MFN2: variants seen among roughly 807,000 people sequenced by gnomAD.
MFN2 encodes the protein mitofusin-2.
MFN2 carries 43 observed loss-of-function variants against 87.5 expected under a neutral mutation model. The ratio of observed to expected loss-of-function variants is 0.49; its 90% confidence interval spans 0.38 to 0.63. The LOEUF (loss-of-function observed/expected upper bound fraction) is 0.63, where lower values mean the gene tolerates loss of function less well. Among genes scored for constraint, MFN2 ranks in the 30% least tolerant of loss-of-function variants. MFN2 has a pLI of 0.00. For missense variants in MFN2, 743 were observed against 972.8 expected, an observed-to-expected ratio of 0.76 and a Z score of 3.14; for synonymous variants, 337 against 359.9, an observed-to-expected ratio of 0.94 and a Z score of 0.72.
At position 12,007,456 on chromosome 1, in the gene MFN2, C is replaced by T. The variant is rs978839040; in HGVS notation, c.2069+207C>T. Among the ~76,000 whole-genome samples the T allele has an allele frequency of 1.4e-4, 22 of 152,192 alleles. 1 individual carries two copies. The highest frequency in any genetic ancestry group is 2.2e-4 in the African/African-American group (9 of 41,446). The stretch of plus-strand genomic sequence containing the variant: ...GGACACTTTGCGTCTTGGGCTGGGA[C>T]GGGGTAGGCCTCTGGGCCCCTTGGT... On this transcript the variant is annotated intron_variant, in intron 17 of 18. Coordinates refer to ENST00000235329, the MANE Select transcript of MFN2 (RefSeq NM_014874.4).
At chr1:12,009,526 G>GGGCTAA in intron 17 of MFN2, 66 bp from the exon 18 acceptor site, 12 of 1,609,680 alleles carry the variant, frequency 7.5e-6, no homozygotes, top group Non-Finnish European at 8.5e-6. Flanking sequence ...TACTGTGGGT[G>GGGCTAA]GGCTAAGCCA....
chr1:11,992,742 A>G (rs1378378976), intron 4 of MFN2, 52 bp downstream of exon 4: 1 of 1,613,542 alleles, frequency 6.2e-7, no homozygotes, highest in Non-Finnish European at 8.5e-7. Context: ...GGAGGGAGGG[A>G]GGCACTTTGT....
intron 17 of MFN2, among the ~76,000 whole-genome samples, chr1:12,008,893 G>T (rs1639561972): frequency 6.6e-6 from 1 of 152,222 alleles, no homozygotes; most frequent in Non-Finnish European, 1.5e-5. Context: ...CTGAGATCAT[G>T]CCACTGCCTG....
rs753682091 is a variant in MFN2 at position 11,996,142 on chromosome 1, T to C, written c.312-14T>C. 8 of 1,614,008 alleles carry C rather than the reference T, an allele frequency of 5.0e-6. No homozygotes were observed. Among genetic ancestry groups the C allele is most frequent in the Non-Finnish European group, 6.8e-6 (8 of 1,180,024 alleles). The stretch of plus-strand genomic sequence containing the variant: ...ATACTGGTGGCTTTGCTGACAGCTG[T>C]TACTTCCTTCTAGGACGAGCAATGG... On this transcript the variant is annotated splice_polypyrimidine_tract_variant and intron_variant, in intron 4 of 18. Transcript: ENST00000235329.
intron 5 of MFN2, 126 bp from the exon 6 acceptor site, chr1:11,997,171 T>C: frequency 7.0e-7 from 1 of 1,427,594 alleles, no homozygotes; most frequent in Non-Finnish European, 9.6e-7. Flanking sequence ...ACTTTTTATA[T>C]GTGGAAGAAG....
chr1:12,004,405 G>A lies in MFN2; in HGVS notation c.1288-104G>A. 1 of 1,084,882 alleles carries A rather than the reference G, an allele frequency of 9.2e-7. No individual in the cohort carries two copies. The highest frequency in any genetic ancestry group is 1.4e-6 in the Non-Finnish European group (1 of 698,942). 67.2% of individuals were successfully genotyped at this position (1,084,882 alleles called of 1,614,324 possible). ...CCATAGAGGAGCTGAGGAGGCTGCTGGTTTGAGAGGAAGGATGTGCCATCT... is the reference window on the plus strand; with the variant it reads ...CCATAGAGGAGCTGAGGAGGCTGCTAGTTTGAGAGGAAGGATGTGCCATCT... On this transcript the variant is annotated intron_variant, in intron 12 of 18. Transcript: ENST00000235329. The surrounding 1 kb of genome is among the most constrained non-coding windows in gnomAD (Gnocchi z 4.2).
In MFN2 at chr1:11,989,200, T is replaced by C. The variant is rs777625403; in HGVS notation, c.32T>C (p.Ile11Thr). 6.2e-6 allele frequency: 10 copies of C among 1,613,972 alleles called. No homozygotes were observed. Among genetic ancestry groups the C allele is most frequent in the Non-Finnish European group, 8.5e-6 (10 of 1,180,030 alleles). The change falls in exon 3 of 19, where the codon ATC (isoleucine) becomes ACC (threonine). Residue 11 changes from isoleucine (I) to threonine (T), a missense_variant. Ile to Thr is a moderately conservative substitution (Grantham distance 89). Coordinates refer to ENST00000235329, the MANE Select transcript of MFN2 (RefSeq NM_014874.4). Reference protein sequence around the residue: MSLLFSRCNSIVTVKKNKRHM... With the variant: MSLLFSRCNSTVTVKKNKRHM... ...CTGCTCTTCTCTCGATGCAACTCTA[T>C]CGTCACAGTCAAGAAAAATAAGAGA...
chr1:11,992,441 T>A (rs554411047), intron 3 of MFN2, 114 bp from the exon 4 acceptor site: 1 of 1,312,624 alleles, frequency 7.6e-7, no homozygotes, highest in Admixed American at 1.7e-5. Context: ...GGCTGCAGGG[T>A]GCCAGAGGTG....
Position 12,004,904 on chromosome 1 carries a change from A to G in MFN2, c.1472A>G (p.Gln491Arg). Residue 491 changes from glutamine to arginine, a missense_variant, in exon 14 of 19, where the codon CAG (glutamine) becomes CGG (arginine). Gln to Arg is a conservative substitution (Grantham distance 43). Around this residue, in one of 3 missense-constraint regions of MFN2, gnomAD observed 571 missense variants for 670.7 expected, o/e 0.85. Coordinates refer to ENST00000235329, the MANE Select transcript of MFN2 (RefSeq NM_014874.4). The surrounding 1 kb of genome is among the most constrained non-coding windows in gnomAD (Gnocchi z 4.2). ...RCSTAITNSL[Q>R]TMQQDMIDGL... ...TCCACGGCCATCACCAACTCCCTGC[A>G]GACCATGCAGCAGGACATGATAGGT... is the stretch of plus-strand genomic sequence containing the variant. 1 of 1,611,830 alleles carries G rather than the reference A, an allele frequency of 6.2e-7. No individual in the cohort carries two copies. Among genetic ancestry groups the G allele is most frequent in the Non-Finnish European group, 8.5e-7 (1 of 1,179,000 alleles).
intron 9 of MFN2, 70 bp from the exon 10 acceptor site, chr1:12,001,699 T>G: frequency 6.2e-7 from 1 of 1,604,760 alleles, no homozygotes; most frequent in Admixed American, 1.7e-5. Flanking sequence ...AGTGGCTTGG[T>G]TTCTGGGGAT....
chr1:12,002,175 G>C, intron 11 of MFN2, 72 bp downstream of exon 11: 3 of 1,610,878 alleles, frequency 1.9e-6, no homozygotes, highest in Non-Finnish European at 2.5e-6. Context: ...GCCTTGGGCA[G>C]TTAGGACACG....
chr1:12,008,885 G>A lies in MFN2; in HGVS notation c.2070-707G>A, dbSNP rs181851840. Among the ~76,000 whole-genome samples, 342 of 152,328 alleles carry A rather than the reference G, an allele frequency of 2.2e-3. 8 individuals carry two copies. In the East Asian group the frequency reaches 0.042, roughly 19 times the overall value. ...TGGGAGGTGGAGGTTGTAGCGAGCTGAGATCATGCCACTGCCTGGGCAACA... is the reference window on the plus strand; with the variant it reads ...TGGGAGGTGGAGGTTGTAGCGAGCTAAGATCATGCCACTGCCTGGGCAACA... On this transcript the variant is annotated intron_variant, in intron 17 of 18. Coordinates refer to ENST00000235329, the MANE Select transcript of MFN2 (RefSeq NM_014874.4).
chr1:12,005,969 G>A (rs764906140), intron 15 of MFN2, 38 bp downstream of exon 15: 2 of 1,592,036 alleles, frequency 1.3e-6, no homozygotes, highest in African/African-American at 1.3e-5. Context: ...ATTGTGGGGG[G>A]TCAGTCTGTA....
chr1:11,996,948 G>C (rs960818383), intron 5 of MFN2, among the ~76,000 whole-genome samples: 1 of 151,416 alleles, frequency 6.6e-6, no homozygotes, highest in African/African-American at 2.4e-5. Context: ...TGAGGCAGGA[G>C]GACTGCTTGA....
chr1:11,984,341 C>T lies in MFN2; in HGVS notation c.-5+2227C>T, dbSNP rs1638298238. On this transcript the variant is annotated intron_variant, in intron 2 of 18. Coordinates refer to ENST00000235329, the MANE Select transcript of MFN2 (RefSeq NM_014874.4). ...GTGTGAGTTGGCGGAGTTGCCTCTG[C>T]CCTCCCTGAAGGCTGGGTGTTCATG... Among the ~76,000 whole-genome samples, 3 of 152,120 alleles carry T rather than the reference C, an allele frequency of 2.0e-5. No homozygotes were observed. The South Asian group carries it at 6.2e-4, about 32-fold the overall frequency.
chr1:11,983,010 G>C (rs753070853), intron 2 of MFN2, among the ~76,000 whole-genome samples: 1 of 152,144 alleles, frequency 6.6e-6, no homozygotes, highest in Non-Finnish European at 1.5e-5. Context: ...GTGCTCACGT[G>C]CTCCACTGAG....
At chr1:11,991,741 G>A (rs1466549820) in intron 3 of MFN2, among the ~76,000 whole-genome samples, 5 of 151,546 alleles carry the variant, frequency 3.3e-5, no homozygotes, top group South Asian at 2.1e-4. Context: ...CGGCTAAAAC[G>A]GTGAAACCCT....
At chr1:11,997,532 T>C in intron 6 of MFN2, 111 bp downstream of exon 6, 1 of 1,462,014 alleles carries the variant, frequency 6.8e-7, no homozygotes, top group Non-Finnish European at 9.5e-7. Flanking sequence ...GCTTAAGTAT[T>C]ACTACCTTTC....
At position 12,001,293 on chromosome 1, in the gene MFN2, G is replaced by A. The variant is rs139807696; in HGVS notation, c.817-108G>A. ...TTCCCAAAGTGCTGGGATTACAGGC[G>A]TCAGCCACCATGCCCAGCCTCTTAT... On this transcript the variant is annotated intron_variant, in intron 8 of 18. Coordinates refer to ENST00000235329, the MANE Select transcript of MFN2 (RefSeq NM_014874.4). The A allele has an allele frequency of 0.035, 51,236 of 1,475,356 alleles. 1,132 individuals carry two copies. Among genetic ancestry groups the A allele is most frequent in the Non-Finnish European group, 0.043 (46,700 of 1,088,028 alleles). 91.4% of individuals were successfully genotyped at this position (1,475,356 alleles called of 1,614,324 possible). A position where few individuals can be genotyped will look rare whatever the true frequency, so the allele number is the denominator to read the frequency against.
Sources: allele counts gnomAD v4.1 joint callset (sites outside exome capture counted in the v4.1 genomes callset), GRCh38; gene constraint gnomAD v4.1.1; regional missense constraint gnomAD v4.1.1; non-coding constraint Gnocchi (gnomAD v3.1); transcripts MANE v1.5; gene names NCBI Gene and HGNC (gene_info 2026-07-23, HGNC 2026-07-21).